CHSY3: variants seen among roughly 807,000 people sequenced by gnomAD.
CHSY3 encodes N-acetylgalactosaminyl-proteoglycan 3-beta-glucuronosyltransferase 3.
Under a neutral mutation model 67.2 loss-of-function variants are expected in CHSY3, and 35 were observed. The observed-to-expected ratio is 0.52, with a 90% CI of 0.40 to 0.69. The LOEUF (loss-of-function observed/expected upper bound fraction) is 0.69. Ranked by LOEUF, CHSY3 falls within the 30% of genes least tolerant of loss-of-function variation. The pLI is 0.00. For synonymous variants in CHSY3, 474 were observed against 434.7 expected (o/e 1.09, Z -1.12); for missense variants, 1,069 against 1,138.5 (o/e 0.94, Z 0.88).
chr5:130,161,301 A>G (rs1263561463), intron 2 of CHSY3, among the ~76,000 whole-genome samples: 1 of 152,194 alleles, frequency 6.6e-6, no homozygotes, highest in African/African-American at 2.4e-5. Flanking sequence ...TGGAATGTGT[A>G]GTGCTCTTTC....
intron 2 of CHSY3, among the ~76,000 whole-genome samples, chr5:130,145,773 A>G (rs1024658455): frequency 6.6e-6 from 1 of 152,160 alleles, no homozygotes; most frequent in Non-Finnish European, 1.5e-5. Flanking sequence ...AAATTACCCC[A>G]TTAAAAAATG....
Position 129,980,639 on chromosome 5 carries a change from A to G in CHSY3, c.1086+72279A>G, listed in dbSNP as rs566244238. ...AAATTTATCGAAGTCCAGCTTATCA[A>G]TGATCTCTTTTATTGATTGTGTCTC... On this transcript the variant is annotated intron_variant, in intron 2 of 2. Transcript: ENST00000305031. Among the ~76,000 whole-genome samples, 111 of 152,276 alleles carry G rather than the reference A, an allele frequency of 7.3e-4. 2 individuals carry two copies. In the South Asian group the frequency reaches 0.018, roughly 25 times the overall value.
chr5:130,026,247 A>G (rs765472948), intron 2 of CHSY3, among the ~76,000 whole-genome samples: 1 of 152,140 alleles, frequency 6.6e-6, no homozygotes, highest in Non-Finnish European at 1.5e-5. Context: ...TGAAATGACT[A>G]TTTATCTGTA....
intron 2 of CHSY3, among the ~76,000 whole-genome samples, chr5:130,017,033 G>T (rs1764237530): frequency 6.6e-6 from 1 of 152,088 alleles, no homozygotes; most frequent in Non-Finnish European, 1.5e-5. Flanking sequence ...TAAACATCCA[G>T]CCATGAGATA....
intron 2 of CHSY3, among the ~76,000 whole-genome samples, chr5:130,176,400 G>T (rs530988941): frequency 6.6e-6 from 1 of 152,286 alleles, no homozygotes; most frequent in South Asian, 2.1e-4. Context: ...TTACACTATT[G>T]GTGGGAGTGT....
chr5:130,003,613 C>T (rs1763794975), intron 2 of CHSY3, among the ~76,000 whole-genome samples: 1 of 151,910 alleles, frequency 6.6e-6, no homozygotes, highest in Non-Finnish European at 1.5e-5. Context: ...GAGGGGTTAC[C>T]AGATAGGACA....
chr5:130,098,193 AGCCTTACCCTCTTCCCTCCT>A (rs1266309598), intron 2 of CHSY3, among the ~76,000 whole-genome samples: 1 of 152,152 alleles, frequency 6.6e-6, no homozygotes, highest in Non-Finnish European at 1.5e-5. Flanking sequence ...AACCCTTTAT[AGCCTTACCCTCTTCCCTCCT>A]GCCTTACCCC....
At chr5:129,971,101 G>A (rs988878133) in intron 2 of CHSY3, among the ~76,000 whole-genome samples, 5 of 151,822 alleles carry the variant, frequency 3.3e-5, no homozygotes, top group African/African-American at 1.2e-4. Context: ...CAAAGGACAT[G>A]TACTGAACAG....
intron 2 of CHSY3, among the ~76,000 whole-genome samples, chr5:129,913,797 A>G (rs1296162681): frequency 6.6e-6 from 1 of 152,160 alleles, no homozygotes. Flanking sequence ...AAAAATATTT[A>G]TCTGTAGTTT....
chr5:130,126,878 C>G (rs77267467), intron 2 of CHSY3, among the ~76,000 whole-genome samples: 7,199 of 152,274 alleles, frequency 0.047, 437 homozygotes, highest in East Asian at 0.27. Flanking sequence ...TTGGTTCATA[C>G]CCCATTAGTG....
chr5:130,070,000 A>G (rs1184567975), intron 2 of CHSY3, among the ~76,000 whole-genome samples: 2 of 152,062 alleles, frequency 1.3e-5, no homozygotes, highest in African/African-American at 4.8e-5. Flanking sequence ...AACGAAACTT[A>G]TAAGATATAG....
chr5:130,166,712 T>C lies in CHSY3; in HGVS notation c.1087-17517T>C, dbSNP rs1306404301. On this transcript the variant is annotated intron_variant, in intron 2 of 2. Transcript: ENST00000305031. The stretch of plus-strand genomic sequence containing the variant: ...AAGAAAAATATTATAATAGACATCT[T>C]GCCATGCTTATGTTATTTTAATTGG... Among the ~76,000 whole-genome samples, 6 of 152,128 alleles carry C rather than the reference T, an allele frequency of 3.9e-5. No individual in the cohort carries two copies. The East Asian group carries it at 9.6e-4, about 24-fold the overall frequency.
intron 2 of CHSY3, among the ~76,000 whole-genome samples, chr5:130,024,303 T>G (rs1000368149): frequency 2.0e-5 from 3 of 152,104 alleles, no homozygotes; most frequent in African/African-American, 7.2e-5. Context: ...TAATCTAATT[T>G]AAATGAGTTT....
chr5:129,913,503 TA>T (rs1236617380), intron 2 of CHSY3, among the ~76,000 whole-genome samples: 1 of 152,212 alleles, frequency 6.6e-6, no homozygotes, highest in Non-Finnish European at 1.5e-5. Flanking sequence ...TTCTCACTGT[TA>T]AAAATTATTT....
intron 2 of CHSY3, among the ~76,000 whole-genome samples, chr5:130,053,322 T>C (rs1263407246): frequency 6.6e-6 from 1 of 152,084 alleles, no homozygotes; most frequent in African/African-American, 2.4e-5. Flanking sequence ...AGTTTACTTT[T>C]AGTTAAAAGT....
At chr5:130,048,653 C>T (rs1183981667) in intron 2 of CHSY3, among the ~76,000 whole-genome samples, 1 of 151,918 alleles carries the variant, frequency 6.6e-6, no homozygotes, top group South Asian at 2.1e-4. Context: ...TCTCTCTGCC[C>T]CCTGCCTGCA....
intron 2 of CHSY3, chr5:130,001,762 C>T: frequency 2.4e-6 from 2 of 836,366 alleles, no homozygotes; most frequent in South Asian, 1.1e-4. Context: ...ATCCCTTATT[C>T]TGAACATGCC....
chr5:130,096,747 G>T (rs1580729748), intron 2 of CHSY3, among the ~76,000 whole-genome samples: 1 of 152,156 alleles, frequency 6.6e-6, no homozygotes, highest in East Asian at 1.9e-4. Flanking sequence ...GCAGTTGAAA[G>T]CAGTTGTACC....
At chr5:130,163,093 T>A (rs992310381) in intron 2 of CHSY3, among the ~76,000 whole-genome samples, 1 of 151,838 alleles carries the variant, frequency 6.6e-6, no homozygotes. Flanking sequence ...ATAAATAAAG[T>A]TTAAGGAGAG....
Sources: gnomAD v4.1 joint callset for allele counts (sites outside exome capture counted in the v4.1 genomes callset) on GRCh38, gnomAD v4.1.1 for gene constraint, MANE v1.5 for transcripts, NCBI Gene and HGNC (gene_info 2026-07-23, HGNC 2026-07-21) for gene names.